EPB41L5: variants seen among roughly 807,000 people sequenced by gnomAD.
The protein encoded by EPB41L5 is band 4.1-like protein 5.
Under a neutral mutation model 106.6 loss-of-function variants are expected in EPB41L5, and 55 were observed. The ratio of observed to expected loss-of-function variants is 0.52; its 90% CI spans 0.42 to 0.65. EPB41L5 has a LOEUF of 0.65. Ranked by LOEUF, EPB41L5 falls within the 30% of genes least tolerant of loss-of-function variation. The pLI is 0.00. For synonymous variants in EPB41L5, 297 were observed against 306.7 expected, an observed-to-expected ratio of 0.97 and a Z score of 0.33; for missense variants, 871 against 882.1, an observed-to-expected ratio of 0.99 and a Z score of 0.16.
At chr2:120,055,188 C>T (rs1267980922) in intron 3 of EPB41L5, among the ~76,000 whole-genome samples, 1 of 152,074 alleles carries the variant, frequency 6.6e-6, no homozygotes, top group African/African-American at 2.4e-5. Flanking sequence ...TATGTTGATC[C>T]TTATGCCAGT....
chr2:120,027,286 C>T (rs1678392663), intron 2 of EPB41L5, among the ~76,000 whole-genome samples: 1 of 152,136 alleles, frequency 6.6e-6, no homozygotes, highest in African/African-American at 2.4e-5. Flanking sequence ...GTAGAAATAA[C>T]CTGGATGCTC....
At chr2:120,120,646 A>T (rs1024485590) in intron 16 of EPB41L5, among the ~76,000 whole-genome samples, 1 of 151,896 alleles carries the variant, frequency 6.6e-6, no homozygotes, top group Non-Finnish European at 1.5e-5. Flanking sequence ...AAAGAAACAG[A>T]CCATCTAGGC....
At chr2:120,020,140 T>C (rs185650631) in intron 2 of EPB41L5, among the ~76,000 whole-genome samples, 5 of 152,310 alleles carry the variant, frequency 3.3e-5, no homozygotes, top group Admixed American at 1.3e-4. Flanking sequence ...ATTACATCAT[T>C]TGATGTGAGC....
rs35333671 is a variant in EPB41L5, at chr2:120,076,470, CTTT to C, written c.506-477_506-475del. On this transcript the variant is annotated intron_variant, in intron 7 of 24. Transcript: ENST00000263713. ...CCATTAGGCCTGGCTAATTTTTGTACTTTTTTTTTTTTTTTTTTTTTTTTTTAG... is the reference window on the plus strand; with the variant it reads ...CCATTAGGCCTGGCTAATTTTTGTACTTTTTTTTTTTTTTTTTTTTTTTAG... Among the ~76,000 whole-genome samples the C allele has an allele frequency of 8.0e-3, 470 of 58,890 alleles. 2 individuals carry two copies. Among genetic ancestry groups the C allele is most frequent in the African/African-American group, 0.034 (440 of 13,060 alleles). 38.6% of individuals were successfully genotyped at this position (58,890 alleles called of 152,430 possible).
intron 2 of EPB41L5, among the ~76,000 whole-genome samples, chr2:120,036,410 G>GT (rs1374198630): frequency 6.6e-6 from 1 of 152,174 alleles, no homozygotes; most frequent in Non-Finnish European, 1.5e-5. Context: ...AGTGCTAAAT[G>GT]TTGCTGATAC....
chr2:120,117,613 A>G (rs1161967916), intron 16 of EPB41L5, among the ~76,000 whole-genome samples: 2 of 152,168 alleles, frequency 1.3e-5, no homozygotes, highest in Non-Finnish European at 2.9e-5. Flanking sequence ...AAAACAATAT[A>G]TGGTATCTAA....
intron 24 of EPB41L5, among the ~76,000 whole-genome samples, chr2:120,172,368 TAA>T (rs1215616602): frequency 1.3e-5 from 2 of 152,120 alleles, no homozygotes; most frequent in Non-Finnish European, 2.9e-5. Context: ...AGGTCAAAGT[TAA>T]GAGAGGATGT....
chr2:120,101,014 T>A (rs1051686525), intron 16 of EPB41L5, among the ~76,000 whole-genome samples, 200 bp downstream of exon 16: 2 of 152,212 alleles, frequency 1.3e-5, no homozygotes, highest in African/African-American at 4.8e-5. Flanking sequence ...GTTGTCTAAA[T>A]GAAGACCATC....
intron 21 of EPB41L5, among the ~76,000 whole-genome samples, chr2:120,163,665 A>T (rs529880868): frequency 6.0e-5 from 9 of 150,980 alleles, no homozygotes; most frequent in African/African-American, 2.2e-4. Context: ...CTAGTCTAAA[A>T]GTTAAAAGGC....
intron 10 of EPB41L5, among the ~76,000 whole-genome samples, chr2:120,084,060 C>A (rs1203886428): frequency 1.3e-5 from 2 of 152,102 alleles, no homozygotes; most frequent in Non-Finnish European, 2.9e-5. Context: ...ATCCAATTTG[C>A]CAGTCTGTGT....
At chr2:120,160,172 A>G (rs1687082240) in intron 20 of EPB41L5, among the ~76,000 whole-genome samples, 1 of 152,206 alleles carries the variant, frequency 6.6e-6, no homozygotes, top group Non-Finnish European at 1.5e-5. Flanking sequence ...CAATGATACA[A>G]GTTTACCTGT....
At chr2:120,070,349 AAT>A (rs1681774098) in intron 3 of EPB41L5, among the ~76,000 whole-genome samples, 1 of 152,220 alleles carries the variant, frequency 6.6e-6, no homozygotes, top group African/African-American at 2.4e-5. Context: ...ATAGCCTACC[AAT>A]GAAAAAAAGC....
intron 20 of EPB41L5, among the ~76,000 whole-genome samples, chr2:120,148,005 G>C (rs1403415854): frequency 1.3e-5 from 2 of 151,554 alleles, no homozygotes; most frequent in Non-Finnish European, 2.9e-5. Context: ...CTGTTTTACT[G>C]TACCTCCTTT....
At chr2:120,036,071 G>A (rs1412097549) in intron 2 of EPB41L5, among the ~76,000 whole-genome samples, 1 of 152,140 alleles carries the variant, frequency 6.6e-6, no homozygotes, top group African/African-American at 2.4e-5. Flanking sequence ...TCTCTTTTAA[G>A]GGGTGTGATA....
chr2:120,160,791 G>A, intron 20 of EPB41L5, 90 bp from the exon 21 acceptor site: 1 of 849,274 alleles, frequency 1.2e-6, no homozygotes, highest in South Asian at 1.7e-5. Context: ...ACATGAATTT[G>A]TTGCACTTCT....
intron 24 of EPB41L5, among the ~76,000 whole-genome samples, chr2:120,172,859 C>CAG (rs1687741929): frequency 6.6e-6 from 1 of 152,120 alleles, no homozygotes; most frequent in South Asian, 2.1e-4. Flanking sequence ...AAAACACAAA[C>CAG]AGGCTCCCCA....
chr2:120,078,667 A>C, intron 10 of EPB41L5, 86 bp downstream of exon 10: 1 of 872,816 alleles, frequency 1.1e-6, no homozygotes, highest in Non-Finnish European at 1.8e-6. Flanking sequence ...AAGTTTGGAA[A>C]TCAAATAGTT....
intron 16 of EPB41L5, among the ~76,000 whole-genome samples, chr2:120,110,506 A>G (rs1191682652): frequency 6.6e-6 from 1 of 152,170 alleles, no homozygotes; most frequent in Non-Finnish European, 1.5e-5. Context: ...CCTATCTGAC[A>G]TCTCTACTTA....
At chr2:120,163,978 TAC>T (rs1491538323) in intron 21 of EPB41L5, among the ~76,000 whole-genome samples, 6 of 96,070 alleles carry the variant, frequency 6.2e-5, no homozygotes, top group East Asian at 2.8e-4. Flanking sequence ...TTTTTGTATT[TAC>T]TTTTTTTTTT....
Sources: gnomAD v4.1 joint callset for allele counts (sites outside exome capture counted in the v4.1 genomes callset) on GRCh38, gnomAD v4.1.1 for gene constraint, MANE v1.5 for transcripts, NCBI Gene and HGNC (gene_info 2026-07-23, HGNC 2026-07-21) for gene names.